PPP1R12B: variants seen among roughly 807,000 people sequenced by gnomAD.
PPP1R12B encodes protein phosphatase 1 regulatory subunit 12B.
PPP1R12B carries 76 observed loss-of-function variants against 126.1 expected under a neutral mutation model. That is an observed-to-expected ratio of 0.60 (90% CI 0.50 to 0.73). PPP1R12B has a LOEUF of 0.73. Among genes scored for constraint, PPP1R12B ranks in the 30% least tolerant of loss-of-function variants. The pLI is 0.00. For missense variants in PPP1R12B, 1,052 were observed against 1,205.1 expected (o/e 0.87, Z 1.88); for synonymous variants, 356 against 434.7 (o/e 0.82, Z 2.25).
At chr1:202,400,640 A>G (rs1221406738) in intron 1 of PPP1R12B, among the ~76,000 whole-genome samples, 2 of 152,358 alleles carry the variant, frequency 1.3e-5, no homozygotes, top group East Asian at 3.9e-4. Flanking sequence ...ATTGTTATGG[A>G]AATGGTTTAT....
Position 202,480,929 on chromosome 1 carries a change from A to G in PPP1R12B, c.1851-7604A>G, listed in dbSNP as rs1319903782. On this transcript the variant is annotated intron_variant, in intron 13 of 23. Transcript: ENST00000608999. The stretch of plus-strand genomic sequence containing the variant: ...AGCAGTGTTCCCCAACCTTTTTGGC[A>G]CCAGGGACTGGTTTCATGGAAGACA... Among the ~76,000 whole-genome samples, 3 of 152,190 alleles carry G rather than the reference A, an allele frequency of 2.0e-5. No homozygotes were observed. The South Asian group carries it at 6.2e-4, about 32-fold the overall frequency.
chr1:202,355,163 C>A (rs1656844148), intron 1 of PPP1R12B, among the ~76,000 whole-genome samples: 1 of 152,112 alleles, frequency 6.6e-6, no homozygotes, highest in Non-Finnish European at 1.5e-5. Flanking sequence ...CCTCAGCCTC[C>A]CAAAGTGCTG....
chr1:202,563,051 C>T (rs1687690118), intron 20 of PPP1R12B, 129 bp downstream of exon 20: 2 of 1,084,290 alleles, frequency 1.8e-6, no homozygotes, highest in Non-Finnish European at 2.5e-6. Flanking sequence ...AATAATAATT[C>T]CTTGCAGTTT....
chr1:202,366,008 C>CA (rs1553265021), intron 1 of PPP1R12B, among the ~76,000 whole-genome samples: 1 of 151,468 alleles, frequency 6.6e-6, no homozygotes. Context: ...CGCCCCCCCA[C>CA]AAAAAAACCT....
rs146886949 is a variant in PPP1R12B at position 202,494,885 on chromosome 1, T to G, written c.2146-408T>G. ...TCTCAGGTAATCCCTACATTCTGCT[T>G]CTTCATGCTCCTGATCTTTTTGTTT... On this transcript the variant is annotated intron_variant, in intron 15 of 23. Transcript: ENST00000608999. Among the ~76,000 whole-genome samples the G allele has an allele frequency of 2.0e-5, 3 of 152,290 alleles. No homozygotes were observed. The East Asian group carries it at 5.8e-4, about 29-fold the overall frequency.
chr1:202,548,468 C>G (rs1189075775), intron 18 of PPP1R12B, among the ~76,000 whole-genome samples: 1 of 152,034 alleles, frequency 6.6e-6, no homozygotes, highest in East Asian at 1.9e-4. Flanking sequence ...TCAAGCAATT[C>G]TCTTGCCTCA....
chr1:202,365,214 C>G (rs1419998657), intron 1 of PPP1R12B, among the ~76,000 whole-genome samples: 1 of 151,952 alleles, frequency 6.6e-6, no homozygotes, highest in Non-Finnish European at 1.5e-5. Context: ...CCTTGGGATG[C>G]CAAGGCGAGA....
At chr1:202,380,497 T>C (rs1267298923) in intron 1 of PPP1R12B, among the ~76,000 whole-genome samples, 1 of 152,190 alleles carries the variant, frequency 6.6e-6, no homozygotes, top group African/African-American at 2.4e-5. Flanking sequence ...ATTTGAACTT[T>C]GGGTTATTGT....
chr1:202,555,325 GAAAAAAAAA>G (rs56752885), intron 18 of PPP1R12B, among the ~76,000 whole-genome samples: 2,018 of 25,414 alleles, frequency 0.079, 76 homozygotes, highest in South Asian at 0.23. Context: ...CTGTTTTAAT[GAAAAAAAAA>G]AAAAAAAAAA....
At chr1:202,433,434 G>T (rs1241309851) in intron 8 of PPP1R12B, among the ~76,000 whole-genome samples, 1 of 152,162 alleles carries the variant, frequency 6.6e-6, no homozygotes, top group East Asian at 1.9e-4. Context: ...CTACACCTCT[G>T]TTTAAACCTA....
At chr1:202,525,647 G>A (rs966902254) in intron 18 of PPP1R12B, among the ~76,000 whole-genome samples, 1 of 150,954 alleles carries the variant, frequency 6.6e-6, no homozygotes, top group Non-Finnish European at 1.5e-5. Flanking sequence ...TTTCAGGAAG[G>A]GGGGTTAGCA....
chr1:202,442,389 C>T (rs1371888746), intron 11 of PPP1R12B, 58 bp from the exon 12 acceptor site: 1 of 1,569,860 alleles, frequency 6.4e-7, no homozygotes, highest in African/African-American at 1.4e-5. Context: ...TGCATTGTAT[C>T]ATGGACAAAA....
At chr1:202,472,197 A>G (rs1385189596) in intron 13 of PPP1R12B, 8 of 602,854 alleles carry the variant, frequency 1.3e-5, no homozygotes, top group Non-Finnish European at 2.2e-5. Context: ...TGGAACTTAC[A>G]TATATATAGT....
intron 18 of PPP1R12B, among the ~76,000 whole-genome samples, chr1:202,557,969 T>G (rs774182984): frequency 2.0e-5 from 3 of 152,190 alleles, no homozygotes; most frequent in Non-Finnish European, 4.4e-5. Context: ...TGTCATTGAG[T>G]GACTCCTCAG....
At chr1:202,401,361 ATTTTTTTTTT>A (rs34810265) in intron 1 of PPP1R12B, among the ~76,000 whole-genome samples, 66 of 71,448 alleles carry the variant, frequency 9.2e-4, no homozygotes, top group African/African-American at 2.9e-3. Flanking sequence ...GGCTAATTTA[ATTTTTTTTTT>A]TTTTTTTTTT....
At chr1:202,435,745 T>A (rs1197404526) in intron 9 of PPP1R12B, among the ~76,000 whole-genome samples, 1 of 152,220 alleles carries the variant, frequency 6.6e-6, no homozygotes, top group Non-Finnish European at 1.5e-5. Context: ...CTTAATGATC[T>A]TCTTAGCACT....
Position 202,373,178 on chromosome 1 carries a change from C to T in PPP1R12B, c.291+24036C>T, listed in dbSNP as rs1275752129. On this transcript the variant is annotated intron_variant, in intron 1 of 23. Transcript: ENST00000608999. ...CTTGAACTCCTGACCTCAAGTGATC[C>T]TCCCTCCTCAGCCTCCCAAAGTGCT... Among the ~76,000 whole-genome samples the T allele has an allele frequency of 4.6e-5, 7 of 152,074 alleles. No homozygotes were observed. In the South Asian group the frequency reaches 1.5e-3, roughly 32 times the overall value.
At chr1:202,393,354 A>C (rs949309284) in intron 1 of PPP1R12B, among the ~76,000 whole-genome samples, 3 of 152,126 alleles carry the variant, frequency 2.0e-5, no homozygotes, top group African/African-American at 7.2e-5. Context: ...AACTTCTCAG[A>C]TTTCATTGTT....
intron 1 of PPP1R12B, among the ~76,000 whole-genome samples, chr1:202,409,326 CT>C (rs34793175): frequency 0.44 from 63,078 of 144,816 alleles, 14,389 homozygotes; most frequent in East Asian, 0.7. Context: ...CTTGCCAACA[CT>C]TTTTTTTTTT....
Sources: gnomAD v4.1 joint callset for allele counts (sites outside exome capture counted in the v4.1 genomes callset) on GRCh38, gnomAD v4.1.1 for gene constraint, MANE v1.5 for transcripts, NCBI Gene and HGNC (gene_info 2026-07-23, HGNC 2026-07-21) for gene names.